Variants in GPHN observed in about 807,000 individuals in gnomAD.
GPHN encodes the protein gephyrin.
GPHN carries 17 observed loss-of-function variants against 95.5 expected under a neutral mutation model. The ratio of observed to expected loss-of-function variants is 0.18; its 90% CI spans 0.12 to 0.27. GPHN has a LOEUF of 0.27. Ranked by LOEUF, GPHN falls within the 10% of genes least tolerant of loss-of-function variation. The pLI, the probability that GPHN is intolerant of heterozygous loss-of-function variation, is 1.00. For missense variants in GPHN, 660 were observed against 978.1 expected, an observed-to-expected ratio of 0.67 and a Z score of 4.34; for synonymous variants, 320 against 322.5, an observed-to-expected ratio of 0.99 and a Z score of 0.08.
At chr14:67,361,043 T>C in the GPHN span, among the ~76,000 whole-genome samples, 3 of 152,206 alleles carry the variant, frequency 2.0e-5, no homozygotes, top group Non-Finnish European at 4.4e-5. Context: ...TTACTGTTAC[T>C]ATCAGTTTGT....
chr14:67,365,805 TTACTGA>T, the GPHN span, among the ~76,000 whole-genome samples: 623 of 152,328 alleles, frequency 4.1e-3, 4 homozygotes, highest in Non-Finnish European at 7.5e-3. Flanking sequence ...GCCGTCTGGT[TTACTGA>T]TACTTTCTCA....
At chr14:67,423,193 T>C in the GPHN span, among the ~76,000 whole-genome samples, 2 of 152,046 alleles carry the variant, frequency 1.3e-5, no homozygotes, top group Non-Finnish European at 2.9e-5. Flanking sequence ...ACAAACATTC[T>C]CTCAAAACTG....
intron 1 of GPHN, among the ~76,000 whole-genome samples, chr14:66,513,242 G>T (rs1166903451): frequency 6.6e-6 from 1 of 151,712 alleles, no homozygotes. Flanking sequence ...GTGACAATTT[G>T]ACTTCAAAGT....
At chr14:67,271,355 T>G in the GPHN span, 2 of 152,208 alleles carry the variant, frequency 1.3e-5, no homozygotes, top group Non-Finnish European at 2.9e-5. Context: ...GGTTCTGGAG[T>G]TATACTGCCT....
At chr14:67,095,008 C>T (rs1375716927) in intron 12 of GPHN, among the ~76,000 whole-genome samples, 1 of 152,164 alleles carries the variant, frequency 6.6e-6, no homozygotes, top group Non-Finnish European at 1.5e-5. Flanking sequence ...TGTGTTAGTA[C>T]ACTCTGTGAT....
chr14:67,609,398 G>A, the GPHN span, among the ~76,000 whole-genome samples: 1 of 152,150 alleles, frequency 6.6e-6, no homozygotes, highest in Non-Finnish European at 1.5e-5. Context: ...GGGGTGCACC[G>A]CCTTCCCTGT....
chr14:67,035,507 A>C (rs1384532023), intron 10 of GPHN, among the ~76,000 whole-genome samples: 2 of 151,804 alleles, frequency 1.3e-5, no homozygotes, highest in Non-Finnish European at 3.0e-5. Flanking sequence ...AGACAGACAG[A>C]AGACTCAAAA....
intron 1 of GPHN, among the ~76,000 whole-genome samples, chr14:66,532,018 A>G (rs999051320): frequency 6.6e-6 from 1 of 152,236 alleles, no homozygotes; most frequent in East Asian, 1.9e-4. Flanking sequence ...AGTTATAAAA[A>G]GAAATGGCAG....
At chr14:67,100,988 A>G (rs2077669762) in intron 13 of GPHN, 77 bp downstream of exon 13, 1 of 862,042 alleles carries the variant, frequency 1.2e-6, no homozygotes. Context: ...AATTTCTCCT[A>G]TCAGTTTAGT....
At chr14:67,652,524 G>A in the GPHN span, 1 of 156,138 alleles carries the variant, frequency 6.4e-6, no homozygotes, top group African/African-American at 2.4e-5. Flanking sequence ...AACAGCTTGT[G>A]TTTTCTGGAC....
chr14:67,229,922 C>T, the GPHN span, among the ~76,000 whole-genome samples: 1 of 152,178 alleles, frequency 6.6e-6, no homozygotes, highest in African/African-American at 2.4e-5. Flanking sequence ...CTCCTCCTCT[C>T]CCTGCTGTTC....
chr14:67,491,536 C>T, the GPHN span, among the ~76,000 whole-genome samples: 1 of 152,196 alleles, frequency 6.6e-6, no homozygotes, highest in East Asian at 1.9e-4. Flanking sequence ...ACATTCCTTT[C>T]ACTCAGGAAA....
rs1246441779 is a variant in GPHN, at chr14:67,164,193, G to C, written c.1911-969G>C. On this transcript the variant is annotated intron_variant, in intron 19 of 22. Transcript: ENST00000478722. ...TGAGGCAGGAGAATCACTTGAACCCGGGAGGCGGGGGTTGCCGTGAGCTGA... is the reference window on the plus strand; with the variant it reads ...TGAGGCAGGAGAATCACTTGAACCCCGGAGGCGGGGGTTGCCGTGAGCTGA... Among the ~76,000 whole-genome samples the C allele has an allele frequency of 5.3e-5, 8 of 150,134 alleles. No homozygotes were observed. In the East Asian group the frequency reaches 1.6e-3, roughly 30 times the overall value.
chr14:67,254,148 TATCTG>T, the GPHN span: 1 of 150,898 alleles, frequency 6.6e-6, no homozygotes, highest in African/African-American at 2.4e-5. Flanking sequence ...TTTGTTTACT[TATCTG>T]ATATCTATAC....
At chr14:67,595,090 T>C in the GPHN span, among the ~76,000 whole-genome samples, 1 of 151,896 alleles carries the variant, frequency 6.6e-6, no homozygotes, top group African/African-American at 2.4e-5. Flanking sequence ...TGAGCCGAGA[T>C]CGCGCCACTG....
chr14:66,903,225 G>A (rs951897533), intron 5 of GPHN, among the ~76,000 whole-genome samples: 2 of 152,036 alleles, frequency 1.3e-5, no homozygotes, highest in African/African-American at 4.8e-5. Flanking sequence ...TTATTGTATT[G>A]CAGTTATCCC....
At chr14:66,795,092 TAAAA>T (rs2060109162) in intron 3 of GPHN, among the ~76,000 whole-genome samples, 1 of 152,056 alleles carries the variant, frequency 6.6e-6, no homozygotes, top group Admixed American at 6.6e-5. Context: ...AATAAATAAA[TAAAA>T]TAAATAGATA....
the GPHN span, chr14:67,600,172 C>G: frequency 1.3e-6 from 2 of 1,590,054 alleles, no homozygotes; most frequent in Non-Finnish European, 1.7e-6. Context: ...GCGGCCGCCG[C>G]AGATATCCGA....
chr14:67,250,933 GTGT>G, the GPHN span, among the ~76,000 whole-genome samples: 1 of 152,140 alleles, frequency 6.6e-6, no homozygotes, highest in Non-Finnish European at 1.5e-5. Context: ...GTCTCTTAAT[GTGT>G]TATGCTGTAT....
Sources: allele counts gnomAD v4.1 joint callset (sites outside exome capture counted in the v4.1 genomes callset), GRCh38; gene constraint gnomAD v4.1.1; transcripts MANE v1.5; gene names NCBI Gene and HGNC (gene_info 2026-07-23, HGNC 2026-07-21).